TEX9: variants seen among roughly 807,000 people sequenced by gnomAD.
TEX9 encodes testis-expressed protein 9.
In TEX9, 74 loss-of-function variants were observed where a neutral mutation model predicts 59.6. The ratio of observed to expected loss-of-function variants is 1.24; its 90% CI spans 1.03 to 1.51. The LOEUF (loss-of-function observed/expected upper bound fraction) is 1.51. Ranked by LOEUF, TEX9 falls within the 40% of genes most tolerant of loss-of-function variation. The probability of loss-of-function intolerance (pLI) is 0.00; values close to 1 mark genes in which losing one functional copy is unlikely to be tolerated. For missense variants in TEX9, 522 were observed against 447.8 expected (o/e 1.17, Z -1.49); for synonymous variants, 186 against 152.2 (o/e 1.22, Z -1.64).
At chr15:56,371,425 T>A (rs2047185285) in intron 2 of TEX9, among the ~76,000 whole-genome samples, 1 of 152,100 alleles carries the variant, frequency 6.6e-6, no homozygotes, top group Non-Finnish European at 1.5e-5. Context: ...TCTTTTATGA[T>A]AAAATCTGGC....
intron 1 of TEX9, chr15:56,323,621 G>C (rs1265790603): frequency 6.3e-6 from 1 of 157,770 alleles, no homozygotes; most frequent in African/African-American, 2.4e-5. Flanking sequence ...AGATGTCAAG[G>C]CTGAAAAAAG....
At chr15:56,434,807 C>T (rs1351414114) in intron 12 of TEX9, among the ~76,000 whole-genome samples, 3 of 152,036 alleles carry the variant, frequency 2.0e-5, no homozygotes, top group African/African-American at 7.2e-5. Context: ...TTCCAACCTC[C>T]TCCTCAAAAT....
At chr15:56,303,371 A>G (rs1469585177) in intron 1 of TEX9, among the ~76,000 whole-genome samples, 1 of 152,184 alleles carries the variant, frequency 6.6e-6, no homozygotes, top group Non-Finnish European at 1.5e-5. Flanking sequence ...ACCACAATAG[A>G]ATAGAACTGG....
upstream of TEX9, among the ~76,000 whole-genome samples, chr15:56,364,915 C>T (rs760385402): frequency 5.9e-5 from 9 of 152,082 alleles, no homozygotes; most frequent in Non-Finnish European, 1.0e-4. Context: ...ATGAAGTGGC[C>T]GATATACAGA....
chr15:56,393,911 C>A (rs1316038259), intron 7 of TEX9: 1 of 260,220 alleles, frequency 3.8e-6, no homozygotes, highest in Non-Finnish European at 7.2e-6. Flanking sequence ...GTAGTTTGGA[C>A]CACCCTGGTG....
intron 1 of TEX9, among the ~76,000 whole-genome samples, chr15:56,297,604 A>T (rs2045247269): frequency 6.6e-6 from 1 of 152,182 alleles, no homozygotes; most frequent in South Asian, 2.1e-4. Flanking sequence ...TCTCTGGTTC[A>T]AGCGATTCTC....
chr15:56,348,876 T>C (rs2046522193), intron 1 of TEX9, among the ~76,000 whole-genome samples: 1 of 152,144 alleles, frequency 6.6e-6, no homozygotes, highest in East Asian at 1.9e-4. Flanking sequence ...TTACATACAT[T>C]AGAATTACTG....
At chr15:56,348,674 A>G (rs1279030026) in intron 1 of TEX9, among the ~76,000 whole-genome samples, 1 of 151,902 alleles carries the variant, frequency 6.6e-6, no homozygotes, top group Non-Finnish European at 1.5e-5. Flanking sequence ...AGATTTTCTC[A>G]TCTTTTGTTT....
chr15:56,383,835 T>A (rs570934430), intron 3 of TEX9, 117 bp from the exon 4 acceptor site: 1 of 666,264 alleles, frequency 1.5e-6, no homozygotes, highest in Non-Finnish European at 2.5e-6. Context: ...CGTGCCTTTA[T>A]GTTATGGAAA....
At chr15:56,311,605 C>T (rs1312600510) in intron 1 of TEX9, among the ~76,000 whole-genome samples, 3 of 147,502 alleles carry the variant, frequency 2.0e-5, no homozygotes, top group Non-Finnish European at 4.5e-5. Context: ...AATAAACATA[C>T]GTGTGCATGT....
chr15:56,415,447 T>G (rs1404731418), intron 10 of TEX9, among the ~76,000 whole-genome samples: 1 of 151,928 alleles, frequency 6.6e-6, no homozygotes, highest in Non-Finnish European at 1.5e-5. Flanking sequence ...TTCAGTCTTC[T>G]GCAAATGGCT....
chr15:56,460,007 A>ATATATATAT, the TEX9 span, among the ~76,000 whole-genome samples: 1 of 27,614 alleles, frequency 3.6e-5, no homozygotes, highest in Non-Finnish European at 7.1e-5. Context: ...AAAAAAAAAA[A>ATATATATAT]AAATACATAT....
chr15:56,339,418 G>GAAAAAAAAAAAAAAAAAAAAAA (rs2046331563), intron 1 of TEX9, among the ~76,000 whole-genome samples: 1 of 67,724 alleles, frequency 1.5e-5, no homozygotes, highest in African/African-American at 5.7e-5. Context: ...AAAAAAACAG[G>GAAAAAAAAAAAAAAAAAAAAAA]AGAATAACTT....
intron 2 of TEX9, among the ~76,000 whole-genome samples, chr15:56,368,912 A>G (rs1376656887): frequency 6.6e-6 from 1 of 152,116 alleles, no homozygotes; most frequent in Non-Finnish European, 1.5e-5. Flanking sequence ...TCTTTACAGA[A>G]ATAAAGACAA....
chr15:56,265,726 TAA>T (rs1228410700), intron 1 of TEX9, among the ~76,000 whole-genome samples: 41 of 152,340 alleles, frequency 2.7e-4, no homozygotes, highest in African/African-American at 9.1e-4. Flanking sequence ...TTAATTCTTT[TAA>T]ATGTATTGTT....
intron 1 of TEX9, among the ~76,000 whole-genome samples, chr15:56,305,958 C>T (rs558895450): frequency 9.2e-5 from 14 of 151,952 alleles, no homozygotes; most frequent in Admixed American, 3.3e-4. Context: ...TAAAAATGGG[C>T]AAAAGGAAAT....
chr15:56,375,619 A>G (rs552874775), intron 3 of TEX9, among the ~76,000 whole-genome samples: 2 of 152,246 alleles, frequency 1.3e-5, no homozygotes, highest in South Asian at 2.1e-4. Context: ...GTAATGCCTA[A>G]GTTTTCTTCT....
intron 12 of TEX9, among the ~76,000 whole-genome samples, chr15:56,440,363 G>C (rs1258541271): frequency 6.6e-6 from 1 of 152,200 alleles, no homozygotes; most frequent in Non-Finnish European, 1.5e-5. Context: ...ATATATTTCT[G>C]ATGGGAATGT....
intron 1 of TEX9, among the ~76,000 whole-genome samples, chr15:56,352,279 C>T (rs1412617484): frequency 6.6e-6 from 1 of 152,136 alleles, no homozygotes; most frequent in African/African-American, 2.4e-5. Context: ...GAGTCTCGCC[C>T]TGTCGTCTGG....
Sources: allele counts gnomAD v4.1 joint callset (sites outside exome capture counted in the v4.1 genomes callset), GRCh38; gene constraint gnomAD v4.1.1; transcripts MANE v1.5; gene names NCBI Gene and HGNC (gene_info 2026-07-23, HGNC 2026-07-21).